MRPL37: variants seen among roughly 807,000 people sequenced by gnomAD.
MRPL37 encodes the protein mitochondrial ribosomal protein L37.
Under a neutral mutation model 44.1 loss-of-function variants are expected in MRPL37, and 34 were observed. The ratio of observed to expected loss-of-function variants is 0.77; its 90% CI spans 0.59 to 1.03. The LOEUF (loss-of-function observed/expected upper bound fraction) is 1.03, where lower values mean the gene tolerates loss of function less well. Ranked by LOEUF, MRPL37 falls within the 50% of genes least tolerant of loss-of-function variation. The probability of loss-of-function intolerance (pLI) is 0.00; values close to 1 mark genes in which losing one functional copy is unlikely to be tolerated. For missense variants in MRPL37, 532 were observed against 543.7 expected, an observed-to-expected ratio of 0.98 and a Z score of 0.21; for synonymous variants, 212 against 219.5, an observed-to-expected ratio of 0.97 and a Z score of 0.30.
downstream of MRPL37, chr1:54,224,984 C>T (rs1644266147): frequency 1.3e-6 from 1 of 786,066 alleles, no homozygotes; most frequent in Non-Finnish European, 1.7e-6. Flanking sequence ...TCGCCAACAG[C>T]AGGCACTTGA....
rs1421041776 is a variant in MRPL37 at position 54,200,607 on chromosome 1, G to A, written c.346+18G>A. ...TCTCGAGGGTGAGGCCCCAGGACGG[G>A]CGGCAAGGGACCGTGTTCCTCTAAC... On this transcript the variant is annotated intron_variant, in intron 1 of 6. Transcript: ENST00000360840. The A allele has an allele frequency of 6.3e-7, 1 of 1,575,258 alleles. No homozygotes were observed. The highest frequency in any genetic ancestry group is 8.6e-7 in the Non-Finnish European group (1 of 1,156,352).
rs370161335 is a variant in MRPL37 at position 54,205,130 on chromosome 1, C to A, written c.459C>A (p.Cys153Ter). ...ACCACATAGAGAACCAAGACGAGTG[C>A]GTTCTGAATGTGATCTCTCACGCCC... Reference protein sequence around the residue: ...PRNHIENQDECVLNVISHARL... With the variant: ...PRNHIENQDE The change falls in exon 2 of 7, where the codon TGC (cysteine) becomes TGA (stop). Residue 153 changes from cysteine (C) to a stop codon, truncating the protein, a stop_gained. Transcript: ENST00000360840. LOFTEE classifies it high-confidence loss of function. The A allele has an allele frequency of 1.2e-6, 2 of 1,613,992 alleles. No individual in the cohort carries two copies. Among genetic ancestry groups the A allele is most frequent in the East Asian group, 4.5e-5 (2 of 44,882 alleles).
downstream of MRPL37, among the ~76,000 whole-genome samples, chr1:54,219,064 C>T (rs944054713): frequency 6.6e-6 from 1 of 152,204 alleles, no homozygotes; most frequent in Non-Finnish European, 1.5e-5. Flanking sequence ...CTGTGGAGAG[C>T]GAAGGCAGCA....
chr1:54,212,173 G>A (rs576266668), intron 4 of MRPL37, among the ~76,000 whole-genome samples: 2 of 152,332 alleles, frequency 1.3e-5, no homozygotes, highest in East Asian at 3.9e-4. Flanking sequence ...TAACAGGTTG[G>A]CAGGCATTTT....
In MRPL37 at chr1:54,216,233, C is replaced by T. The variant is rs1644196440; in HGVS notation, c.1083C>T (p.Thr361=). The change falls in exon 6 of 7, where the codon ACC becomes ACT. Residue 361 remains threonine (T), a synonymous_variant. Coordinates refer to ENST00000360840, the MANE Select transcript of MRPL37 (RefSeq NM_016491.4). ...VFHFLVFQLN[T]TDLDCNEGVK... ...ATTTCCTAGTGTTTCAACTGAATAC[C>T]ACAGACCTGGACTGTAACGAGGGTG... 3 of 1,614,076 alleles carry T rather than the reference C, an allele frequency of 1.9e-6. No homozygotes were observed. The highest frequency in any genetic ancestry group is 2.5e-6 in the Non-Finnish European group (3 of 1,180,054).
chr1:54,221,881 C>A (rs930220053), downstream of MRPL37, among the ~76,000 whole-genome samples: 1 of 152,124 alleles, frequency 6.6e-6, no homozygotes, highest in Non-Finnish European at 1.5e-5. Context: ...GTGCTGGGAG[C>A]GAGTTACAGA....
In MRPL37 at chr1:54,212,636, C is replaced by G; in HGVS notation, c.968C>G (p.Ala323Gly). ...CTGTTTGCTTTTGGCAGTGCCCTGGCTCAGGCCCGGCTCCTCTATGGGGTA... is the reference window on the plus strand; with the variant it reads ...CTGTTTGCTTTTGGCAGTGCCCTGGGTCAGGCCCGGCTCCTCTATGGGGTA... ...MILFAFGSALAQARLLYGNDA... is the reference protein window; with the variant it reads ...MILFAFGSALGQARLLYGNDA... The change falls in exon 5 of 7, where the codon GCT becomes GGT. Residue 323 changes from alanine (A) to glycine (G), a missense_variant. Physicochemically the swap from Ala to Gly is moderately conservative, Grantham distance 60 (BLOSUM62 0). Coordinates refer to ENST00000360840, the MANE Select transcript of MRPL37 (RefSeq NM_016491.4). 2.5e-6 allele frequency: 4 copies of G among 1,614,244 alleles called. No homozygotes were observed. The highest frequency in any genetic ancestry group is 3.4e-6 in the Non-Finnish European group (4 of 1,180,046).
At chr1:54,203,771 C>T (rs969075232) in intron 1 of MRPL37, among the ~76,000 whole-genome samples, 10 of 152,094 alleles carry the variant, frequency 6.6e-5, no homozygotes, top group Non-Finnish European at 8.8e-5. Flanking sequence ...CCACCATGCC[C>T]GGCCTAAGGT....
chr1:54,217,160 C>T (rs1412660525), intron 6 of MRPL37, among the ~76,000 whole-genome samples: 1 of 152,214 alleles, frequency 6.6e-6, no homozygotes, highest in Non-Finnish European at 1.5e-5. Flanking sequence ...CCAGGCCCCA[C>T]ACAGGCCTGA....
downstream of MRPL37, among the ~76,000 whole-genome samples, chr1:54,224,448 C>T (rs929714840): frequency 1.3e-5 from 2 of 152,226 alleles, no homozygotes; most frequent in Non-Finnish European, 2.9e-5. Flanking sequence ...CTAACCTCCT[C>T]ACAGCCTATG....
chr1:54,205,883 T>A (rs1017818776), intron 3 of MRPL37, among the ~76,000 whole-genome samples: 2 of 152,284 alleles, frequency 1.3e-5, no homozygotes, highest in African/African-American at 2.4e-5. Context: ...TGTCTCCTAG[T>A]AGTGTAAACC....
At chr1:54,206,999 C>T (rs897795226) in intron 3 of MRPL37, among the ~76,000 whole-genome samples, 3 of 152,158 alleles carry the variant, frequency 2.0e-5, no homozygotes, top group Non-Finnish European at 2.9e-5. Context: ...GCAATCCACC[C>T]GCCTTGGCCT....
chr1:54,216,506 A>G (rs1341250372), intron 6 of MRPL37, among the ~76,000 whole-genome samples, 162 bp downstream of exon 6: 2 of 151,832 alleles, frequency 1.3e-5, no homozygotes, highest in Non-Finnish European at 2.9e-5. Flanking sequence ...TCCCGCCCCT[A>G]CCTAAGGCCC....
In MRPL37 at chr1:54,217,606, C is replaced by CTT. The variant is rs530656568; in HGVS notation, c.1195-563_1195-562dup. ...TGCTGGGCTTTCTGAAGTCTCCTTC[C>CTT]TTTTCTTTTTCTTTCTGCCCCATTC... On this transcript the variant is annotated intron_variant, in intron 6 of 6. Coordinates refer to ENST00000360840, the MANE Select transcript of MRPL37 (RefSeq NM_016491.4). Among the ~76,000 whole-genome samples the CTT allele has an allele frequency of 2.2e-3, 329 of 152,316 alleles. 2 individuals are homozygous for CTT. The highest frequency in any genetic ancestry group is 2.4e-3 in the Non-Finnish European group (161 of 68,028).
intron 3 of MRPL37, among the ~76,000 whole-genome samples, chr1:54,208,040 TCCTGTGGG>T (rs921654648): frequency 6.6e-6 from 1 of 152,174 alleles, no homozygotes; most frequent in African/African-American, 2.4e-5. Context: ...GCATGTGACC[TCCTGTGGG>T]GACCTCTGTG....
intron 3 of MRPL37, among the ~76,000 whole-genome samples, chr1:54,207,763 G>C (rs1644134421): frequency 6.6e-6 from 1 of 152,168 alleles, no homozygotes. Flanking sequence ...AACTATTCTT[G>C]AGGTGTGACA....
At chr1:54,204,905 C>T (rs1023728203) in intron 1 of MRPL37, 113 bp from the exon 2 acceptor site, 46 of 1,230,596 alleles carry the variant, frequency 3.7e-5, no homozygotes, top group Middle Eastern at 2.8e-4. Flanking sequence ...CAGAACAAAT[C>T]CAGTTTCTCA....
Position 54,212,678 on chromosome 1 carries a change from C to CA in MRPL37, c.990+21dup. 1 of 1,613,930 alleles carries CA rather than the reference C, an allele frequency of 6.2e-7. No individual in the cohort carries two copies. Among genetic ancestry groups the CA allele is most frequent in the Non-Finnish European group, 8.5e-7 (1 of 1,179,884 alleles). On this transcript the variant is annotated intron_variant, in intron 5 of 6. Transcript: ENST00000360840. Reference sequence around the variant, plus strand: ...TATGGGGTATGTAGGTGGAGAAGACCACTGAGTTGCTTTACGTGGTGTTGG... The same window carrying CA: ...TATGGGGTATGTAGGTGGAGAAGACCAACTGAGTTGCTTTACGTGGTGTTGG...
intron 5 of MRPL37, among the ~76,000 whole-genome samples, chr1:54,212,954 AC>A (rs1186392819): frequency 6.6e-6 from 1 of 152,224 alleles, no homozygotes; most frequent in Admixed American, 6.5e-5. Context: ...TATCAGCATT[AC>A]ACAGCACTAA....
Sources: allele counts gnomAD v4.1 joint callset (sites outside exome capture counted in the v4.1 genomes callset), GRCh38; gene constraint gnomAD v4.1.1; transcripts MANE v1.5; gene names NCBI Gene and HGNC (gene_info 2026-07-23, HGNC 2026-07-21).